The following COL28A1 variants were observed in gnomAD, a reference collection of about 807,000 sequenced individuals.
COL28A1 encodes collagen type XXVIII alpha 1 chain.
In COL28A1, 161 loss-of-function variants were observed where a neutral mutation model predicts 150.2. That is an observed-to-expected ratio of 1.07 (90% CI 0.94 to 1.22). The LOEUF (loss-of-function observed/expected upper bound fraction) is 1.22, where lower values mean the gene tolerates loss of function less well. Among genes scored for constraint, COL28A1 ranks in the 50% most tolerant of loss-of-function variants. COL28A1 has a pLI of 0.00. For synonymous variants in COL28A1, 552 were observed against 469.7 expected (o/e 1.18, Z -2.26); for missense variants, 1,617 against 1,388.3 (o/e 1.16, Z -2.62).
intron 27 of COL28A1, among the ~76,000 whole-genome samples, chr7:7,383,323 G>C (rs1781989141): frequency 6.8e-6 from 1 of 148,128 alleles, no homozygotes; most frequent in African/African-American, 2.5e-5. Context: ...CTGTCAACCA[G>C]GTTGGAGTGC....
intron 14 of COL28A1, among the ~76,000 whole-genome samples, chr7:7,476,184 C>T (rs1461324374): frequency 6.6e-6 from 1 of 152,060 alleles, no homozygotes; most frequent in African/African-American, 2.4e-5. Flanking sequence ...CTTCTCCGGG[C>T]AGTATGTGTG....
At chr7:7,439,772 G>A (rs1024119682) in intron 21 of COL28A1, among the ~76,000 whole-genome samples, 1 of 152,132 alleles carries the variant, frequency 6.6e-6, no homozygotes, top group African/African-American at 2.4e-5. Context: ...ATTTACTTGA[G>A]AAGCACAGAT....
At chr7:7,437,502 A>G in intron 21 of COL28A1, 40 bp from the exon 22 acceptor site, 1 of 1,601,866 alleles carries the variant, frequency 6.2e-7, no homozygotes, top group Non-Finnish European at 8.5e-7. Context: ...TCAAGCAGAG[A>G]AAGCACATAT....
intron 25 of COL28A1, among the ~76,000 whole-genome samples, chr7:7,422,414 T>A (rs10268438): frequency 0.26 from 39,104 of 151,874 alleles, 8,110 homozygotes; most frequent in African/African-American, 0.58. Flanking sequence ...GTGGATCACA[T>A]GGTCAGGAGT....
intron 11 of COL28A1, among the ~76,000 whole-genome samples, chr7:7,502,192 G>A (rs1452681806): frequency 2.6e-5 from 4 of 152,122 alleles, no homozygotes; most frequent in Admixed American, 6.5e-5. Context: ...GAGCCACTGC[G>A]CCTGGCTGAG....
chr7:7,385,670 C>T (rs1782141971), intron 27 of COL28A1, among the ~76,000 whole-genome samples: 1 of 152,048 alleles, frequency 6.6e-6, no homozygotes, highest in Non-Finnish European at 1.5e-5. Flanking sequence ...ATGACACGTG[C>T]CTGAGGGAAA....
At chr7:7,440,893 C>T (rs1444017929) in intron 20 of COL28A1, 32 bp from the exon 21 acceptor site, 11 of 1,099,294 alleles carry the variant, frequency 1.0e-5, no homozygotes, top group Middle Eastern at 4.0e-4. Flanking sequence ...TATAGATTTT[C>T]GTATGGTATT....
chr7:7,399,982 A>T (rs997598833), intron 27 of COL28A1, among the ~76,000 whole-genome samples: 7 of 152,260 alleles, frequency 4.6e-5, no homozygotes, highest in African/African-American at 1.7e-4. Flanking sequence ...GCCTCCAAGC[A>T]AAGCATTCAA....
At chr7:7,507,323 G>A (rs1780867348) in intron 9 of COL28A1, among the ~76,000 whole-genome samples, 162 bp from the exon 10 acceptor site, 2 of 152,160 alleles carry the variant, frequency 1.3e-5, no homozygotes, top group South Asian at 4.1e-4. Context: ...AACAAGCCAA[G>A]GGGTAGGAGT....
intron 6 of COL28A1, among the ~76,000 whole-genome samples, chr7:7,519,412 C>T (rs1339721998): frequency 6.6e-6 from 1 of 152,168 alleles, no homozygotes; most frequent in Non-Finnish European, 1.5e-5. Flanking sequence ...CAAAGCATAT[C>T]ACTCCCTTTT....
chr7:7,435,766 G>A (rs143226621), intron 23 of COL28A1, among the ~76,000 whole-genome samples: 4 of 152,266 alleles, frequency 2.6e-5, no homozygotes, highest in Non-Finnish European at 5.9e-5. Context: ...AAGTTTCAAA[G>A]CTACGTAACA....
intron 27 of COL28A1, among the ~76,000 whole-genome samples, chr7:7,391,341 A>G (rs998205646): frequency 6.6e-6 from 1 of 152,044 alleles, no homozygotes; most frequent in Non-Finnish European, 1.5e-5. Context: ...GGTCTGAGAG[A>G]TTGTTTGTTA....
At chr7:7,517,263 C>T (rs1051453461) in intron 7 of COL28A1, among the ~76,000 whole-genome samples, 4 of 151,940 alleles carry the variant, frequency 2.6e-5, no homozygotes, top group Non-Finnish European at 4.4e-5. Flanking sequence ...TTTTATGCAC[C>T]GTACACATCT....
intron 4 of COL28A1, 90 bp downstream of exon 4, chr7:7,524,139 A>G: frequency 1.3e-6 from 1 of 798,184 alleles, no homozygotes; most frequent in Non-Finnish European, 2.2e-6. Flanking sequence ...TTATTTAGTC[A>G]CACTTAATCT....
intron 33 of COL28A1, among the ~76,000 whole-genome samples, chr7:7,366,498 A>C (rs1459143178): frequency 6.6e-6 from 1 of 152,178 alleles, no homozygotes; most frequent in Non-Finnish European, 1.5e-5. Context: ...ACACAGGTGC[A>C]TGTTATATTC....
chr7:7,439,623 C>G (rs1450148106), intron 21 of COL28A1, among the ~76,000 whole-genome samples: 1 of 152,104 alleles, frequency 6.6e-6, no homozygotes, highest in Non-Finnish European at 1.5e-5. Flanking sequence ...AGCTTTATTT[C>G]AAAACACAGA....
At position 7,380,868 on chromosome 7, in the gene COL28A1, C is replaced by T. The variant is rs763626076; in HGVS notation, c.2206-6G>A. The T allele has an allele frequency of 4.7e-5, 76 of 1,608,156 alleles. No homozygotes were observed. The highest frequency in any genetic ancestry group is 6.1e-5 in the Non-Finnish European group (72 of 1,174,826). On this transcript the variant is annotated splice_polypyrimidine_tract_variant and splice_region_variant and intron_variant, in intron 28 of 34. Transcript: ENST00000399429. The stretch of plus-strand genomic sequence containing the variant: ...CCCCGTTCTCCGTGCTCTCCCTTTA[C>T]ACAATAGGGTAAAATGATAGGTTCA...
chr7:7,451,373 G>A (rs185437467), intron 18 of COL28A1, among the ~76,000 whole-genome samples: 1 of 151,914 alleles, frequency 6.6e-6, no homozygotes, highest in Non-Finnish European at 1.5e-5. Context: ...CTACAAGCAC[G>A]CATCAATACG....
In COL28A1 at chr7:7,520,052, A is replaced by G. The variant is rs1280523918; in HGVS notation, c.813+10T>C. 1 of 1,254,492 alleles carries G rather than the reference A, an allele frequency of 8.0e-7. No individual in the cohort carries two copies. The highest frequency in any genetic ancestry group is 1.2e-5 in the South Asian group (1 of 81,940). The allele number at this position is 1,254,492 out of a possible 1,614,324, so 77.7% of individuals were successfully genotyped here. ...ACGCTGGTTTAAAGAAAAGCTGTTTATTCATTTACCGGGTTTCCTTTTGGT... is the reference window on the plus strand; with the variant it reads ...ACGCTGGTTTAAAGAAAAGCTGTTTGTTCATTTACCGGGTTTCCTTTTGGT... On this transcript the variant is annotated intron_variant, in intron 6 of 34. Transcript: ENST00000399429.
Sources: allele counts gnomAD v4.1 joint callset (sites outside exome capture counted in the v4.1 genomes callset), GRCh38; gene constraint gnomAD v4.1.1; transcripts MANE v1.5; gene names NCBI Gene and HGNC (gene_info 2026-07-23, HGNC 2026-07-21).